The following NUS1 variants were observed in gnomAD, a reference collection of about 807,000 sequenced individuals.
NUS1 encodes the protein NUS1 dehydrodolichyl diphosphate synthase subunit.
For synonymous variants in NUS1, 135 were observed against 155.2 expected (o/e 0.87, Z 0.97); for missense variants, 292 against 382.9 (o/e 0.76, Z 1.98).
chr6:117,681,967 G>T lies in NUS1; in HGVS notation c.415+5882G>T, dbSNP rs182392571. ...CCTGCCTCAGCCTCCTGAGTAACTGGGATTACAGGCATATGCCACCATGCC... is the reference window on the plus strand; with the variant it reads ...CCTGCCTCAGCCTCCTGAGTAACTGTGATTACAGGCATATGCCACCATGCC... On this transcript the variant is annotated intron_variant, in intron 1 of 4. Transcript: ENST00000368494. Among the ~76,000 whole-genome samples, 11 of 152,186 alleles carry T rather than the reference G, an allele frequency of 7.2e-5. No individual in the cohort carries two copies. In the East Asian group the frequency reaches 2.1e-3, roughly 29 times the overall value.
intron 1 of NUS1, among the ~76,000 whole-genome samples, chr6:117,680,466 T>C (rs892215435): frequency 1.3e-5 from 2 of 152,252 alleles, no homozygotes; most frequent in Admixed American, 6.5e-5. Context: ...TATTGTGCCT[T>C]GCTGGGAACC....
chr6:117,675,900 G>A lies in NUS1; in HGVS notation c.230G>A (p.Cys77Tyr). 6.5e-7 allele frequency: 1 copy of A among 1,539,350 alleles called. No individual in the cohort carries two copies. Among genetic ancestry groups the A allele is most frequent in the Non-Finnish European group, 8.8e-7 (1 of 1,141,574 alleles). The change falls in exon 1 of 5, where the codon TGC (cysteine) becomes TAC (tyrosine). Residue 77 changes from cysteine (C) to tyrosine (Y), a missense_variant. Transcript: ENST00000368494. ...CACCGGCACCCGCGCGGGGGGTCGTGCCTGGCAGCCGCACACCACCGGATG... is the reference window on the plus strand; with the variant it reads ...CACCGGCACCCGCGCGGGGGGTCGTACCTGGCAGCCGCACACCACCGGATG... Reference protein sequence around the residue: ...RHHRHPRGGSCLAAAHHRMRW... With the variant: ...RHHRHPRGGSYLAAAHHRMRW...
At chr6:117,695,286 T>C (rs570812401) in intron 3 of NUS1, among the ~76,000 whole-genome samples, 2 of 151,960 alleles carry the variant, frequency 1.3e-5, no homozygotes, top group Non-Finnish European at 2.9e-5. Context: ...TTTCTTCCAC[T>C]TTGACATGTG....
chr6:117,693,511 T>A (rs1316012747), intron 2 of NUS1, among the ~76,000 whole-genome samples: 1 of 152,156 alleles, frequency 6.6e-6, no homozygotes, highest in African/African-American at 2.4e-5. Context: ...CAAGAAAGAA[T>A]TTGCATGTCT....
chr6:117,678,007 G>A (rs938001185), intron 1 of NUS1, among the ~76,000 whole-genome samples: 6 of 152,308 alleles, frequency 3.9e-5, no homozygotes, highest in Middle Eastern at 3.4e-3. Context: ...CTTGATGACC[G>A]TGCCTACTAG....
chr6:117,701,736 T>A (rs1434560633), intron 3 of NUS1, among the ~76,000 whole-genome samples: 2 of 152,182 alleles, frequency 1.3e-5, no homozygotes, highest in African/African-American at 2.4e-5. Flanking sequence ...GCAACCTTCC[T>A]AAGATACAAG....
At chr6:117,689,391 G>A (rs1323884926) in intron 1 of NUS1, among the ~76,000 whole-genome samples, 1 of 152,176 alleles carries the variant, frequency 6.6e-6, no homozygotes, top group Non-Finnish European at 1.5e-5. Context: ...GGGGATTGGT[G>A]TGATGTGAAT....
chr6:117,701,245 C>CTTTT (rs1181868381), intron 3 of NUS1, among the ~76,000 whole-genome samples: 1 of 120,672 alleles, frequency 8.3e-6, no homozygotes, highest in Non-Finnish European at 1.8e-5. Flanking sequence ...TTCTAATTTT[C>CTTTT]TTTTTTTTTT....
At chr6:117,693,701 C>T (rs1201048109) in intron 2 of NUS1, among the ~76,000 whole-genome samples, 3 of 152,082 alleles carry the variant, frequency 2.0e-5, no homozygotes, top group Non-Finnish European at 2.9e-5. Flanking sequence ...CGCAATTATA[C>T]AGGAAATTTT....
intron 2 of NUS1, 134 bp downstream of exon 2, chr6:117,693,301 C>A: frequency 1.0e-6 from 1 of 983,484 alleles, no homozygotes; most frequent in Non-Finnish European, 1.5e-6. Context: ...CTTTAATCAT[C>A]AGATTTAGAC....
chr6:117,692,451 G>C (rs1187685395), intron 1 of NUS1, among the ~76,000 whole-genome samples: 1 of 151,992 alleles, frequency 6.6e-6, no homozygotes, highest in Admixed American at 6.6e-5. Flanking sequence ...GTAGTTAACA[G>C]TGTTAACTTT....
intron 1 of NUS1, among the ~76,000 whole-genome samples, chr6:117,690,866 G>T (rs1439126367): frequency 1.3e-5 from 2 of 150,392 alleles, no homozygotes; most frequent in Non-Finnish European, 3.0e-5. Flanking sequence ...GGTGGCGCAT[G>T]CCTGTAGTCC....
intron 4 of NUS1, among the ~76,000 whole-genome samples, chr6:117,705,014 A>T (rs1256145459): frequency 6.6e-6 from 1 of 152,146 alleles, no homozygotes. Flanking sequence ...TCTCTCCAAG[A>T]TGTATGAAGG....
At chr6:117,690,808 G>A (rs1227652408) in intron 1 of NUS1, among the ~76,000 whole-genome samples, 5 of 151,724 alleles carry the variant, frequency 3.3e-5, no homozygotes, top group African/African-American at 1.2e-4. Flanking sequence ...TGGCTAACAC[G>A]GTGAAACCCC....
intron 3 of NUS1, among the ~76,000 whole-genome samples, chr6:117,701,339 G>C (rs1162300283): frequency 6.6e-6 from 1 of 151,506 alleles, no homozygotes; most frequent in African/African-American, 2.4e-5. Flanking sequence ...CTGCCTCCCG[G>C]GTTTACGCCA....
chr6:117,686,510 T>C (rs1225847045), intron 1 of NUS1, among the ~76,000 whole-genome samples: 1 of 152,190 alleles, frequency 6.6e-6, no homozygotes, highest in Non-Finnish European at 1.5e-5. Context: ...TATGGATCTT[T>C]TTCCTCACCT....
intron 1 of NUS1, among the ~76,000 whole-genome samples, chr6:117,692,225 A>C (rs28699224): frequency 6.6e-6 from 1 of 152,098 alleles, no homozygotes; most frequent in Non-Finnish European, 1.5e-5. Flanking sequence ...TCTCTCTCCC[A>C]GTTATTTTGT....
chr6:117,698,939 T>G (rs13202506), intron 3 of NUS1, among the ~76,000 whole-genome samples: 11,519 of 152,138 alleles, frequency 0.076, 432 homozygotes, highest in Middle Eastern at 0.13. Context: ...TGAAGAAGCA[T>G]TTGATAAAAT....
intron 1 of NUS1, among the ~76,000 whole-genome samples, chr6:117,682,064 C>T (rs1434779701): frequency 6.6e-6 from 1 of 152,052 alleles, no homozygotes; most frequent in Non-Finnish European, 1.5e-5. Context: ...GAACTCCTGG[C>T]CTCAAGATCC....
Sources: allele counts gnomAD v4.1 joint callset (sites outside exome capture counted in the v4.1 genomes callset), GRCh38; gene constraint gnomAD v4.1.1; transcripts MANE v1.5; gene names NCBI Gene and HGNC (gene_info 2026-07-23, HGNC 2026-07-21).